PAX3: variants seen among roughly 807,000 people sequenced by gnomAD.
PAX3 encodes the protein paired box protein Pax-3.
Under a neutral mutation model 51.6 loss-of-function variants are expected in PAX3, and 14 were observed. The ratio of observed to expected loss-of-function variants is 0.27; its 90% CI spans 0.18 to 0.42. The LOEUF is 0.42. Among genes scored for constraint, PAX3 ranks in the 10% least tolerant of loss-of-function variants. The pLI is 1.00. For synonymous variants in PAX3, 280 were observed against 253.4 expected (o/e 1.11, Z -1.00); for missense variants, 540 against 642.8 (o/e 0.84, Z 1.73).
intron 4 of PAX3, among the ~76,000 whole-genome samples, chr2:222,249,332 G>A (rs1693338722): frequency 6.6e-6 from 1 of 152,032 alleles, no homozygotes; most frequent in Non-Finnish European, 1.5e-5. Flanking sequence ...TTGAATACAA[G>A]AAGACATCAA....
Position 222,298,650 on chromosome 2 carries a change from G to T in PAX3, c.-35C>A. 6.4e-7 allele frequency: 1 copy of T among 1,569,254 alleles called. No individual in the cohort carries two copies. The highest frequency in any genetic ancestry group is 8.7e-7 in the Non-Finnish European group (1 of 1,154,426). On this transcript the variant is annotated 5_prime_UTR_variant, in exon 1 of 9. Coordinates refer to ENST00000392070, the MANE Select transcript of PAX3 (RefSeq NM_181458.4). ...AGCTTCGCTCGGAAATTATATCCAG[G>T]TGAAGGCGAAACGGAAAGGCGAGTG...
chr2:222,270,988 T>C (rs1031815915), intron 4 of PAX3, among the ~76,000 whole-genome samples: 2 of 152,208 alleles, frequency 1.3e-5, no homozygotes, highest in African/African-American at 2.4e-5. Flanking sequence ...CTACCAAACC[T>C]TGTTTCAATG....
intron 4 of PAX3, among the ~76,000 whole-genome samples, chr2:222,291,970 GTGTGT>G (rs1559314394): frequency 0.017 from 132 of 7,650 alleles, 1 homozygote; most frequent in African/African-American, 0.061. Context: ...AGCCTCCAAG[GTGTGT>G]GTGTGTGTGT....
chr2:222,296,572 A>T (rs1403511058), intron 2 of PAX3, among the ~76,000 whole-genome samples: 2 of 152,098 alleles, frequency 1.3e-5, no homozygotes. Context: ...CCATTATAAA[A>T]CCTAAAGAAG....
intron 4 of PAX3, among the ~76,000 whole-genome samples, chr2:222,262,210 G>A (rs1189310876): frequency 6.6e-6 from 1 of 152,168 alleles, no homozygotes; most frequent in Non-Finnish European, 1.5e-5. Context: ...AGACTCCAAT[G>A]TAGTGTATAT....
At chr2:222,206,314 A>G (rs1050859229) in intron 7 of PAX3, among the ~76,000 whole-genome samples, 2 of 152,232 alleles carry the variant, frequency 1.3e-5, no homozygotes, top group African/African-American at 4.8e-5. Flanking sequence ...GTTTTTCTTT[A>G]ATAAAGATCT....
At chr2:222,227,151 C>T (rs928321532) in intron 5 of PAX3, among the ~76,000 whole-genome samples, 7 of 152,118 alleles carry the variant, frequency 4.6e-5, no homozygotes, top group South Asian at 2.1e-4. Context: ...CAACTGGGAA[C>T]GAAACCCATA....
At position 222,200,390 on chromosome 2, in the gene PAX3, T is replaced by A; in HGVS notation, c.*1018A>T. The stretch of plus-strand genomic sequence containing the variant: ...TAATCAGTTTAAAAGCATAATTATC[T>A]GATCTGGTCTCTAATCAAAGGAGCA... On this transcript the variant is annotated 3_prime_UTR_variant, in exon 9 of 9. Coordinates refer to ENST00000392070, the MANE Select transcript of PAX3 (RefSeq NM_181458.4). 4.4e-6 allele frequency: 1 copy of A among 228,124 alleles called. No individual in the cohort carries two copies. The allele number at this position is 228,124 out of a possible 1,614,324, so 14.1% of individuals were successfully genotyped here. A position where few individuals can be genotyped will look rare whatever the true frequency, so the allele number is the denominator to read the frequency against.
At chr2:222,269,232 A>G (rs150653000) in intron 4 of PAX3, among the ~76,000 whole-genome samples, 3 of 152,168 alleles carry the variant, frequency 2.0e-5, no homozygotes, top group African/African-American at 4.8e-5. Context: ...TCTCCTGCCC[A>G]TTTTCTTTGA....
intron 4 of PAX3, among the ~76,000 whole-genome samples, chr2:222,289,222 C>T (rs1184805756): frequency 6.6e-6 from 1 of 152,164 alleles, no homozygotes; most frequent in East Asian, 1.9e-4. Flanking sequence ...TTTTCTGTTC[C>T]AGCCCAAGCC....
chr2:222,210,954 C>G (rs184206685), intron 7 of PAX3, among the ~76,000 whole-genome samples: 1 of 152,220 alleles, frequency 6.6e-6, no homozygotes, highest in South Asian at 2.1e-4. Flanking sequence ...GCAACCTCAC[C>G]CTCCTGGGCT....
At chr2:222,254,152 T>A (rs2106131009) in intron 4 of PAX3, among the ~76,000 whole-genome samples, 1 of 152,042 alleles carries the variant, frequency 6.6e-6, no homozygotes, top group East Asian at 1.9e-4. Context: ...TTGCAAATTT[T>A]TTTTTTAAAA....
At chr2:222,202,220 T>A in intron 7 of PAX3, 30 bp from the exon 8 acceptor site, 1 of 1,466,484 alleles carries the variant, frequency 6.8e-7, no homozygotes, top group Non-Finnish European at 9.4e-7. Context: ...GGGAAGAGGT[T>A]AAAATGCAGA....
At chr2:222,293,506 G>A in intron 4 of PAX3, 1 of 848,818 alleles carries the variant, frequency 1.2e-6, no homozygotes, top group East Asian at 2.6e-5. Flanking sequence ...GAAGACAGAG[G>A]GTGCCAGCAC....
Position 222,228,614 on chromosome 2 carries a change from T to C in PAX3, c.792+3464A>G, listed in dbSNP as rs929223792. 3.9e-5 allele frequency among the ~76,000 whole-genome samples: 6 copies of C among 152,278 alleles called. No individual in the cohort carries two copies. The South Asian group carries it at 1.2e-3, about 32-fold the overall frequency. On this transcript the variant is annotated intron_variant, in intron 5 of 8. Transcript: ENST00000392070. Reference sequence around the variant, plus strand: ...AAATGTTTATTTTTCCTTACTCACATTGAGTTCAGAGCTGATACTCGGCCT... The same window carrying C: ...AAATGTTTATTTTTCCTTACTCACACTGAGTTCAGAGCTGATACTCGGCCT...
At chr2:222,262,131 A>G (rs941778875) in intron 4 of PAX3, among the ~76,000 whole-genome samples, 7 of 152,224 alleles carry the variant, frequency 4.6e-5, no homozygotes, top group Non-Finnish European at 7.3e-5. Flanking sequence ...TTTGCTCAAC[A>G]TAACATTTTT....
intron 7 of PAX3, 22 bp from the exon 8 acceptor site, chr2:222,202,212 G>A (rs1483874771): frequency 6.6e-7 from 1 of 1,523,994 alleles, no homozygotes; most frequent in Non-Finnish European, 9.0e-7. Flanking sequence ...GCCAGATTGG[G>A]AAGAGGTTAA....
chr2:222,295,486 A>G, intron 3 of PAX3, 42 bp downstream of exon 3: 2 of 1,612,800 alleles, frequency 1.2e-6, no homozygotes, highest in Non-Finnish European at 1.7e-6. Context: ...GGTAATAGCG[A>G]CTGACTGTCG....
chr2:222,285,120 T>C (rs1694787259), intron 4 of PAX3, among the ~76,000 whole-genome samples: 1 of 152,232 alleles, frequency 6.6e-6, no homozygotes, highest in Admixed American at 6.5e-5. Context: ...CTATTGCTTT[T>C]CTTATAATAA....
Sources: gnomAD v4.1 joint callset for allele counts (sites outside exome capture counted in the v4.1 genomes callset) on GRCh38, gnomAD v4.1.1 for gene constraint, MANE v1.5 for transcripts, NCBI Gene and HGNC (gene_info 2026-07-23, HGNC 2026-07-21) for gene names.